TPRG1: variants seen among roughly 807,000 people sequenced by gnomAD.
TPRG1 encodes tumor protein p63-regulated gene 1 protein.
In TPRG1, 29 loss-of-function variants were observed where a neutral mutation model predicts 29.3. That is an observed-to-expected ratio of 0.99 (90% CI 0.74 to 1.35). The LOEUF (loss-of-function observed/expected upper bound fraction) is 1.35, where lower values mean the gene tolerates loss of function less well. Among genes scored for constraint, TPRG1 ranks in the 40% most tolerant of loss-of-function variants. The pLI, the probability that TPRG1 is intolerant of heterozygous loss-of-function variation, is 0.00. For synonymous variants in TPRG1, 130 were observed against 116.8 expected (o/e 1.11, Z -0.73); for missense variants, 327 against 335.0 (o/e 0.98, Z 0.19).
chr3:189,157,390 A>T (rs370382270), intron 5 of TPRG1, among the ~76,000 whole-genome samples: 1 of 152,136 alleles, frequency 6.6e-6, no homozygotes, highest in Non-Finnish European at 1.5e-5. Flanking sequence ...AATGACTCAC[A>T]TGTCCACGGG....
intron 1 of TPRG1, among the ~76,000 whole-genome samples, chr3:189,205,198 AGAAAGATGGG>A (rs1262246482): frequency 4.6e-5 from 7 of 152,230 alleles, no homozygotes; most frequent in Non-Finnish European, 8.8e-5. Context: ...TGTGTTCCTC[AGAAAGATGGG>A]GAAAGACTAA....
chr3:189,254,331 A>G (rs963162424), intron 4 of TPRG1, among the ~76,000 whole-genome samples: 9 of 152,188 alleles, frequency 5.9e-5, no homozygotes, highest in African/African-American at 2.2e-4. Context: ...AGATGGCTGT[A>G]GATGTATGGT....
At position 189,299,112 on chromosome 3, in the gene TPRG1, A is replaced by G. The variant is rs369592227; in HGVS notation, c.480-11274A>G. On this transcript the variant is annotated intron_variant, in intron 4 of 5. Transcript: ENST00000345063. ...TTACTTAGTTATTCTGTGCATGCTG[A>G]AACTTGTTTTTTTAGGGTGCTCAAA... is the stretch of plus-strand genomic sequence containing the variant. Among the ~76,000 whole-genome samples the G allele has an allele frequency of 4.0e-5, 6 of 151,132 alleles. No individual in the cohort carries two copies. In the East Asian group the frequency reaches 5.8e-4, roughly 15 times the overall value.
At chr3:189,222,875 A>C (rs1737149055) in intron 3 of TPRG1, among the ~76,000 whole-genome samples, 5 of 152,280 alleles carry the variant, frequency 3.3e-5, no homozygotes, top group Admixed American at 2.6e-4. Context: ...GATTGCACTC[A>C]TCCCATTTCC....
intron 4 of TPRG1, among the ~76,000 whole-genome samples, chr3:189,026,691 G>T (rs946655107): frequency 6.6e-6 from 1 of 152,190 alleles, no homozygotes; most frequent in African/African-American, 2.4e-5. Context: ...AAGTTGTAGA[G>T]TCTTGGAAAA....
At chr3:189,244,470 A>G (rs1741087963) in intron 4 of TPRG1, among the ~76,000 whole-genome samples, 1 of 152,154 alleles carries the variant, frequency 6.6e-6, no homozygotes, top group Non-Finnish European at 1.5e-5. Context: ...TCTGCAGACT[A>G]TACAGAAACT....
At chr3:189,211,503 G>A (rs1321413836) in intron 2 of TPRG1, 1 of 151,968 alleles carries the variant, frequency 6.6e-6, no homozygotes, top group Non-Finnish European at 1.5e-5. Context: ...ACTCAATACT[G>A]GATCACAAAA....
intron 1 of TPRG1, among the ~76,000 whole-genome samples, chr3:189,124,402 C>T (rs1722187413): frequency 6.6e-6 from 1 of 152,060 alleles, no homozygotes; most frequent in African/African-American, 2.4e-5. Flanking sequence ...TGTGACAACC[C>T]TGGGAGATGG....
At chr3:189,272,327 G>T (rs1392786724) in intron 4 of TPRG1, among the ~76,000 whole-genome samples, 1 of 152,170 alleles carries the variant, frequency 6.6e-6, no homozygotes, top group Non-Finnish European at 1.5e-5. Context: ...GTAATCAGCA[G>T]AATTTTGTGC....
At chr3:189,199,917 C>T (rs1285892266) in intron 1 of TPRG1, among the ~76,000 whole-genome samples, 1 of 152,062 alleles carries the variant, frequency 6.6e-6, no homozygotes, top group Non-Finnish European at 1.5e-5. Context: ...AACAAAAAAA[C>T]AATGAATAGT....
chr3:189,281,061 A>T (rs984966427), intron 4 of TPRG1, among the ~76,000 whole-genome samples: 1 of 152,218 alleles, frequency 6.6e-6, no homozygotes, highest in Non-Finnish European at 1.5e-5. Flanking sequence ...CTGACATGTT[A>T]TAGGACTTGC....
Position 189,207,420 on chromosome 3 carries a change from T to C in TPRG1, c.36T>C (p.Ala12=), listed in dbSNP as rs936920498. 7 of 1,614,086 alleles carry C rather than the reference T, an allele frequency of 4.3e-6. No individual in the cohort carries two copies. The highest frequency in any genetic ancestry group is 5.9e-6 in the Non-Finnish European group (7 of 1,179,962). The change falls in exon 2 of 6, where the codon GCT becomes GCC. Residue 12 remains alanine, a synonymous_variant. Transcript: ENST00000345063. ...TTGGGAGTTTTGAAGGATTCCAGGC[T>C]GTGTCTCTGAAGCAAGAGGGAGATG... ...STIGSFEGFQ[A]VSLKQEGDDQ... is the part of the protein sequence containing the mutation.
chr3:189,299,640 T>C (rs1020421587), intron 4 of TPRG1, among the ~76,000 whole-genome samples: 1 of 151,716 alleles, frequency 6.6e-6, no homozygotes, highest in Non-Finnish European at 1.5e-5. Context: ...TTTTTTTTTT[T>C]TTTACAGTAA....
At chr3:189,168,028 T>A (rs1054671121), upstream of TPRG1, among the ~76,000 whole-genome samples, 6 of 152,128 alleles carry the variant, frequency 3.9e-5, no homozygotes, top group African/African-American at 1.4e-4. Context: ...GACAATGAAA[T>A]TGTTCTCTTT....
upstream of TPRG1, among the ~76,000 whole-genome samples, chr3:189,170,034 G>A (rs981802408): frequency 6.6e-6 from 1 of 152,194 alleles, no homozygotes; most frequent in Admixed American, 6.5e-5. Flanking sequence ...GTGAACAATT[G>A]ATGTCTTTTC....
intron 2 of TPRG1, among the ~76,000 whole-genome samples, chr3:189,214,659 G>A (rs1735761463): frequency 6.6e-6 from 1 of 152,148 alleles, no homozygotes; most frequent in Admixed American, 6.6e-5. Flanking sequence ...AAAAACTCTG[G>A]GTAGAGTCCC....
intron 3 of TPRG1, among the ~76,000 whole-genome samples, chr3:189,233,041 T>G (rs1738911532): frequency 6.6e-6 from 1 of 152,140 alleles, no homozygotes; most frequent in Non-Finnish European, 1.5e-5. Context: ...TGCTGATTCC[T>G]TGTTAGCCAA....
chr3:189,018,663 G>A (rs1713099575), intron 3 of TPRG1, among the ~76,000 whole-genome samples: 1 of 151,346 alleles, frequency 6.6e-6, no homozygotes, highest in African/African-American at 2.4e-5. Flanking sequence ...GTCAGGTAGT[G>A]TGATGCCTCC....
At chr3:189,225,493 A>C (rs1737585768) in intron 3 of TPRG1, among the ~76,000 whole-genome samples, 1 of 152,234 alleles carries the variant, frequency 6.6e-6, no homozygotes, top group African/African-American at 2.4e-5. Context: ...TCAATAATTT[A>C]AACATAGTCT....
Sources: allele counts gnomAD v4.1 joint callset (sites outside exome capture counted in the v4.1 genomes callset), GRCh38; gene constraint gnomAD v4.1.1; transcripts MANE v1.5; gene names NCBI Gene and HGNC (gene_info 2026-07-23, HGNC 2026-07-21).